Variants in CSMD1 observed in about 807,000 individuals in gnomAD.
The protein encoded by CSMD1 is CUB and Sushi multiple domains 1.
Under a neutral mutation model 417.5 loss-of-function variants are expected in CSMD1, and 213 were observed. That is an observed-to-expected ratio of 0.51 (90% CI 0.46 to 0.57). The LOEUF (loss-of-function observed/expected upper bound fraction) is 0.57, where lower values mean the gene tolerates loss of function less well. CSMD1 is among the 20% of genes least tolerant of loss of function. The probability of loss-of-function intolerance (pLI) is 0.00; values close to 1 mark genes in which losing one functional copy is unlikely to be tolerated. For missense variants in CSMD1, 6,923 were observed against 4,529.7 expected (o/e 1.53, Z -15.17); for synonymous variants, 2,862 against 1,736.8 (o/e 1.65, Z -16.11).
At chr8:4,621,460 A>G (rs1801774003) in intron 2 of CSMD1, among the ~76,000 whole-genome samples, 1 of 152,136 alleles carries the variant, frequency 6.6e-6, no homozygotes, top group South Asian at 2.1e-4. Context: ...GCAGAGATCA[A>G]GTGGATATCT....
chr8:4,829,072 C>G (rs528313818), intron 1 of CSMD1, among the ~76,000 whole-genome samples: 76 of 152,262 alleles, frequency 5.0e-4, no homozygotes, highest in African/African-American at 1.7e-3. Flanking sequence ...CCTTTCTCCA[C>G]TAACATTTTG....
chr8:3,402,577 A>C (rs926869478), intron 15 of CSMD1, among the ~76,000 whole-genome samples: 1 of 152,224 alleles, frequency 6.6e-6, no homozygotes, highest in Non-Finnish European at 1.5e-5. Flanking sequence ...TGCCAGAATA[A>C]ATAAATAACC....
At chr8:4,489,473 ACAC>A (rs1418968400) in intron 2 of CSMD1, among the ~76,000 whole-genome samples, 2 of 152,210 alleles carry the variant, frequency 1.3e-5, no homozygotes, top group Non-Finnish European at 2.9e-5. Context: ...GCTGAGGGGA[ACAC>A]CATATGCCCC....
intron 12 of CSMD1, among the ~76,000 whole-genome samples, chr8:3,410,297 A>C (rs1812604157): frequency 7.2e-5 from 11 of 152,188 alleles, no homozygotes; most frequent in Admixed American, 7.2e-4. Context: ...ACTGTGTGTC[A>C]GGTCCTGTTC....
intron 1 of CSMD1, among the ~76,000 whole-genome samples, chr8:4,851,769 G>C (rs1222200503): frequency 6.6e-6 from 1 of 152,178 alleles, no homozygotes; most frequent in Non-Finnish European, 1.5e-5. Context: ...CTATTGAGAT[G>C]AACGTACTTT....
intron 12 of CSMD1, among the ~76,000 whole-genome samples, chr8:3,415,285 T>C (rs1813057858): frequency 6.6e-6 from 1 of 152,334 alleles, no homozygotes; most frequent in Non-Finnish European, 1.5e-5. Flanking sequence ...CTCTTAGCAA[T>C]TTTCAAGAAT....
At chr8:4,920,551 G>A (rs1318556047) in intron 1 of CSMD1, among the ~76,000 whole-genome samples, 1 of 152,184 alleles carries the variant, frequency 6.6e-6, no homozygotes, top group African/African-American at 2.4e-5. Flanking sequence ...GCCAGGCACA[G>A]TGGCTCATGC....
chr8:4,556,416 G>C (rs997795996), intron 2 of CSMD1, among the ~76,000 whole-genome samples: 3 of 152,104 alleles, frequency 2.0e-5, no homozygotes, highest in South Asian at 4.1e-4. Flanking sequence ...ACTACACGGA[G>C]AGGCCAGGGT....
chr8:3,359,719 A>G (rs1809032967), intron 20 of CSMD1, among the ~76,000 whole-genome samples: 1 of 152,164 alleles, frequency 6.6e-6, no homozygotes, highest in African/African-American at 2.4e-5. Flanking sequence ...AATACAGTGT[A>G]CATTTCAAAA....
chr8:3,466,577 A>ATTTTTTTTTTTTTTTTTTTTTT (rs35761429), intron 12 of CSMD1, among the ~76,000 whole-genome samples: 1 of 113,606 alleles, frequency 8.8e-6, no homozygotes, highest in African/African-American at 3.8e-5. Flanking sequence ...CAATCAGCTA[A>ATTTTTTTTTTTTTTTTTTTTTT]TTTTTTTTTT....
At chr8:3,625,271 G>A (rs1373118017) in intron 7 of CSMD1, among the ~76,000 whole-genome samples, 1 of 152,302 alleles carries the variant, frequency 6.6e-6, no homozygotes, top group Non-Finnish European at 1.5e-5. Context: ...ATAGAAGTAA[G>A]TTGCTCAGCA....
At chr8:3,762,129 C>A (rs980791504) in intron 5 of CSMD1, among the ~76,000 whole-genome samples, 1 of 152,164 alleles carries the variant, frequency 6.6e-6, no homozygotes, top group Non-Finnish European at 1.5e-5. Flanking sequence ...GCTTTCCAGC[C>A]TCTTCAGGTG....
intron 8 of CSMD1, among the ~76,000 whole-genome samples, chr8:3,614,791 T>C (rs1039449343): frequency 1.3e-5 from 2 of 152,130 alleles, no homozygotes; most frequent in African/African-American, 4.8e-5. Context: ...TCACTGAGGA[T>C]GCAAAGATAA....
chr8:4,973,479 A>G (rs1033979378), intron 1 of CSMD1, among the ~76,000 whole-genome samples: 1 of 152,182 alleles, frequency 6.6e-6, no homozygotes, highest in Non-Finnish European at 1.5e-5. Context: ...TTCATTTGAT[A>G]AAATAAAAAA....
At chr8:4,264,598 T>C (rs577951075) in intron 3 of CSMD1, among the ~76,000 whole-genome samples, 3 of 152,266 alleles carry the variant, frequency 2.0e-5, no homozygotes, top group South Asian at 4.1e-4. Flanking sequence ...CTCGGCGTTC[T>C]AGGGTAGATA....
chr8:3,205,893 TAATAA>T (rs562907142), intron 30 of CSMD1, among the ~76,000 whole-genome samples: 28 of 152,246 alleles, frequency 1.8e-4, no homozygotes, highest in African/African-American at 6.5e-4. Context: ...TCTATAATAA[TAATAA>T]AATAGGTTCT....
intron 3 of CSMD1, among the ~76,000 whole-genome samples, chr8:4,112,745 A>C (rs1801923449): frequency 6.6e-6 from 1 of 152,238 alleles, no homozygotes; most frequent in Admixed American, 6.5e-5. Flanking sequence ...AATATTAAAC[A>C]ATATATCCTT....
chr8:3,709,229 C>T lies in CSMD1; in HGVS notation c.932-738G>A, dbSNP rs79941056. Among the ~76,000 whole-genome samples the T allele has an allele frequency of 2.0e-5, 3 of 149,282 alleles. No individual in the cohort carries two copies. The East Asian group carries it at 5.9e-4, about 30-fold the overall frequency. ...ATTATAGAATATAAAATGTTATGAT[C>T]TTCTAAGCTATCCCACACTTGGCTT... On this transcript the variant is annotated intron_variant, in intron 6 of 69. Transcript: ENST00000635120.
chr8:3,326,554 T>C (rs1806546447), intron 23 of CSMD1, among the ~76,000 whole-genome samples: 1 of 152,230 alleles, frequency 6.6e-6, no homozygotes, highest in East Asian at 1.9e-4. Flanking sequence ...TGTTACACAT[T>C]TGTTTTCAAG....
Sources: allele counts gnomAD v4.1 joint callset (sites outside exome capture counted in the v4.1 genomes callset), GRCh38; gene constraint gnomAD v4.1.1; transcripts MANE v1.5; gene names NCBI Gene and HGNC (gene_info 2026-07-23, HGNC 2026-07-21).